DRC9: variants seen among roughly 807,000 people sequenced by gnomAD.
The protein encoded by DRC9 is dynein regulatory complex subunit 9, also known as dynein regulatory complex protein 9.
At chr3:197,909,740 C>A in the DRC9 span, among the ~76,000 whole-genome samples, 1 of 152,200 alleles carries the variant, frequency 6.6e-6, no homozygotes, top group Non-Finnish European at 1.5e-5. Flanking sequence ...TGCCTGTAAT[C>A]CCAGCACTTT....
At chr3:197,946,096 C>T in the DRC9 span, among the ~76,000 whole-genome samples, 2 of 152,150 alleles carry the variant, frequency 1.3e-5, no homozygotes, top group East Asian at 3.9e-4. Flanking sequence ...ACAGAATTTG[C>T]TCCACATGGA....
chr3:197,959,895 C>T, the DRC9 span: 2 of 379,748 alleles, frequency 5.3e-6, no homozygotes, highest in African/African-American at 4.1e-5. Flanking sequence ...GTTGTATGTA[C>T]GTCTAAACAC....
chr3:197,903,900 G>A, the DRC9 span, among the ~76,000 whole-genome samples: 3 of 151,342 alleles, frequency 2.0e-5, no homozygotes, highest in Admixed American at 6.6e-5. Flanking sequence ...GCTTGAGCTC[G>A]GAGTTCAAGG....
At chr3:197,950,913 C>T in the DRC9 span, 4 of 1,613,252 alleles carry the variant, frequency 2.5e-6, no homozygotes, top group South Asian at 2.2e-5. Flanking sequence ...TGGTTTTAAA[C>T]TAATCTTTTT....
At chr3:197,932,637 A>ATAAT in the DRC9 span, among the ~76,000 whole-genome samples, 2 of 123,108 alleles carry the variant, frequency 1.6e-5, no homozygotes, top group African/African-American at 9.2e-5. Flanking sequence ...GTCTCAATAA[A>ATAAT]TAAATAAATA....
At chr3:197,960,157 G>T in the DRC9 span, 27 of 1,398,498 alleles carry the variant, frequency 1.9e-5, no homozygotes, top group Non-Finnish European at 2.4e-5. Context: ...CGCCGGCTGG[G>T]CCCTCCGTCT....
the DRC9 span, chr3:197,938,827 T>C: frequency 7.3e-7 from 1 of 1,361,210 alleles, no homozygotes; most frequent in Non-Finnish European, 1.0e-6. Flanking sequence ...AAAGAGACAA[T>C]ACAACAAGAA....
At chr3:197,929,769 T>C in the DRC9 span, among the ~76,000 whole-genome samples, 1 of 151,400 alleles carries the variant, frequency 6.6e-6, no homozygotes, top group African/African-American at 2.4e-5. This position sits in a 1 kb window ranked among gnomAD's most constrained non-coding sequence, Gnocchi z 4.6. Flanking sequence ...ACATTTGCTC[T>C]AAAAAATTTA....
chr3:197,938,788 A>T, the DRC9 span: 4 of 1,583,596 alleles, frequency 2.5e-6, no homozygotes, highest in South Asian at 4.5e-5. Context: ...TTTCTTTTAA[A>T]ACAATAAACA....
the DRC9 span, among the ~76,000 whole-genome samples, chr3:197,921,138 A>T: frequency 7.6e-6 from 1 of 131,886 alleles, no homozygotes; most frequent in Non-Finnish European, 1.6e-5. Context: ...ACTGGTTTTC[A>T]GTAACTCCGG....
chr3:197,941,374 C>CT, the DRC9 span, among the ~76,000 whole-genome samples: 1 of 70,648 alleles, frequency 1.4e-5, no homozygotes, highest in African/African-American at 1.0e-4. Flanking sequence ...TTCCTTCCTC[C>CT]CTCTCTCCCC....
the DRC9 span, among the ~76,000 whole-genome samples, chr3:197,952,957 C>T: frequency 3.1e-3 from 474 of 151,944 alleles, no homozygotes; most frequent in African/African-American, 0.011. Flanking sequence ...CGCACCACCA[C>T]ACCCGGCTAA....
chr3:197,935,613 G>T, the DRC9 span, among the ~76,000 whole-genome samples: 4 of 151,962 alleles, frequency 2.6e-5, no homozygotes, highest in Non-Finnish European at 5.9e-5. Context: ...AGCCTCCTCA[G>T]TAGCTAGGAC....
the DRC9 span, among the ~76,000 whole-genome samples, chr3:197,900,528 A>G: frequency 1.8e-3 from 201 of 114,214 alleles, 3 homozygotes; most frequent in African/African-American, 6.2e-3. The surrounding 1 kb of genome is among the most constrained non-coding windows in gnomAD (Gnocchi z 4.7). Flanking sequence ...CAGGGCACTC[A>G]GCAGAGGACA....
At chr3:197,902,351 T>G in the DRC9 span, among the ~76,000 whole-genome samples, 1 of 152,090 alleles carries the variant, frequency 6.6e-6, no homozygotes, top group Non-Finnish European at 1.5e-5. Flanking sequence ...CAGGAAAACA[T>G]GACCTCACCA....
the DRC9 span, chr3:197,945,709 A>G: frequency 8.5e-6 from 8 of 941,686 alleles, no homozygotes; most frequent in Non-Finnish European, 1.3e-5. Flanking sequence ...AGAAACACTG[A>G]GATTAGTTTA....
the DRC9 span, among the ~76,000 whole-genome samples, chr3:197,896,459 G>C: frequency 1.3e-5 from 2 of 152,060 alleles, no homozygotes; most frequent in African/African-American, 4.8e-5. Context: ...ATCAATCCAA[G>C]AAAAGAAGGA....
the DRC9 span, among the ~76,000 whole-genome samples, chr3:197,897,695 C>T: frequency 1.3e-5 from 2 of 151,954 alleles, no homozygotes; most frequent in Non-Finnish European, 2.9e-5. Context: ...TTTCAAGCAC[C>T]CATGGAATAT....
the DRC9 span, chr3:197,957,325 T>C: frequency 6.6e-6 from 1 of 152,302 alleles, no homozygotes; most frequent in Non-Finnish European, 1.5e-5. Context: ...TCTGTCACAC[T>C]GGCAGTTCTA....
Sources: gnomAD v4.1 joint callset for allele counts (sites outside exome capture counted in the v4.1 genomes callset) on GRCh38, gnomAD v4.1.1 for gene constraint, Gnocchi (gnomAD v3.1) non-coding constraint, MANE v1.5 for transcripts, NCBI Gene and HGNC (gene_info 2026-07-23, HGNC 2026-07-21) for gene names.